The following PTPRG variants were observed in gnomAD, a reference collection of about 807,000 sequenced individuals.
PTPRG encodes receptor-type tyrosine-protein phosphatase gamma.
A neutral mutation model predicts 165.3 loss-of-function variants in PTPRG; 102 were observed. That is an observed-to-expected ratio of 0.62 (90% CI 0.53 to 0.73). The LOEUF is 0.73. Among genes scored for constraint, PTPRG ranks in the 30% least tolerant of loss-of-function variants. The probability of loss-of-function intolerance (pLI) is 0.00; values close to 1 mark genes in which losing one functional copy is unlikely to be tolerated. For missense variants in PTPRG, 1,866 were observed against 1,861.4 expected (o/e 1.00, Z -0.05); for synonymous variants, 675 against 669.5 (o/e 1.01, Z -0.13).
At chr3:62,160,864 A>ATT (rs5849464) in intron 7 of PTPRG, among the ~76,000 whole-genome samples, 16,006 of 103,696 alleles carry the variant, frequency 0.15, 2,238 homozygotes, top group East Asian at 0.36. Flanking sequence ...TAGATGTGTG[A>ATT]TTTTTTTTTT....
intron 6 of PTPRG, among the ~76,000 whole-genome samples, chr3:62,150,355 T>C (rs978084930): frequency 6.6e-6 from 1 of 152,170 alleles, no homozygotes; most frequent in Non-Finnish European, 1.5e-5. Context: ...AACCCTTTGA[T>C]ACAGTCCCTG....
chr3:61,976,359 G>C (rs2040506022), intron 2 of PTPRG, among the ~76,000 whole-genome samples: 1 of 152,176 alleles, frequency 6.6e-6, no homozygotes, highest in Non-Finnish European at 1.5e-5. Flanking sequence ...TCAGAAATTG[G>C]ATGACAGTCA....
intron 1 of PTPRG, chr3:61,743,095 A>T: frequency 6.5e-7 from 1 of 1,545,734 alleles, no homozygotes; most frequent in Non-Finnish European, 8.9e-7. Context: ...GTTGCGAGAG[A>T]CTGCTGCTCA....
chr3:62,155,741 T>C (rs546773419), intron 6 of PTPRG, among the ~76,000 whole-genome samples: 34 of 152,334 alleles, frequency 2.2e-4, no homozygotes, highest in African/African-American at 7.0e-4. Context: ...TTACACAGAC[T>C]TCTCGAGTCT....
At chr3:61,697,993 T>C (rs562041151) in intron 1 of PTPRG, among the ~76,000 whole-genome samples, 1 of 152,324 alleles carries the variant, frequency 6.6e-6, no homozygotes, top group South Asian at 2.1e-4. Flanking sequence ...TTAGACCATA[T>C]TCTTTTATCC....
intron 2 of PTPRG, among the ~76,000 whole-genome samples, chr3:61,822,178 G>C (rs1328691671): frequency 6.6e-6 from 1 of 152,166 alleles, no homozygotes. Context: ...CAACATTCTT[G>C]CCTATTCAAT....
At chr3:61,664,825 TG>T (rs1440275812) in intron 1 of PTPRG, among the ~76,000 whole-genome samples, 7 of 152,112 alleles carry the variant, frequency 4.6e-5, no homozygotes, top group African/African-American at 1.4e-4. Context: ...AGCCAGATCC[TG>T]TTTCAAAATA....
intron 3 of PTPRG, among the ~76,000 whole-genome samples, chr3:61,995,671 C>T (rs1007896440): frequency 1.8e-5 from 2 of 113,456 alleles, no homozygotes; most frequent in South Asian, 6.0e-4. Flanking sequence ...TTTCCGCCTG[C>T]CTGCCCGCCC....
intron 1 of PTPRG, among the ~76,000 whole-genome samples, chr3:61,638,197 A>G (rs946260162): frequency 1.3e-5 from 2 of 152,180 alleles, no homozygotes; most frequent in African/African-American, 4.8e-5. Context: ...TCAGATGCTG[A>G]TATAGAAATG....
intron 4 of PTPRG, among the ~76,000 whole-genome samples, chr3:62,031,946 C>T (rs1480871947): frequency 1.3e-5 from 2 of 152,050 alleles, no homozygotes; most frequent in Non-Finnish European, 2.9e-5. Context: ...TTGGAAATGT[C>T]TAAGAAACCA....
intron 17 of PTPRG, among the ~76,000 whole-genome samples, chr3:62,265,896 T>TACACACACACACACACACACACACAC (rs143246257): frequency 0.037 from 4,823 of 130,290 alleles, 174 homozygotes; most frequent in Non-Finnish European, 0.048. Context: ...GTGCCTTATA[T>TACACACACACACACACACACACACAC]ACACACACAC....
chr3:61,973,802 C>T (rs952935123), intron 2 of PTPRG, among the ~76,000 whole-genome samples: 4 of 151,708 alleles, frequency 2.6e-5, no homozygotes, highest in African/African-American at 7.3e-5. Context: ...CTCTGCACTC[C>T]AGCCTTGGTG....
At chr3:62,211,704 T>G (rs962131301) in intron 12 of PTPRG, among the ~76,000 whole-genome samples, 1 of 152,168 alleles carries the variant, frequency 6.6e-6, no homozygotes, top group South Asian at 2.1e-4. Flanking sequence ...CTACTCCTGA[T>G]AGAGGCCTCT....
intron 1 of PTPRG, among the ~76,000 whole-genome samples, chr3:61,729,125 G>T (rs1269468801): frequency 6.6e-6 from 1 of 152,074 alleles, no homozygotes; most frequent in African/African-American, 2.4e-5. Context: ...AGCTAAAGGG[G>T]CTTACAGAAT....
intron 2 of PTPRG, among the ~76,000 whole-genome samples, chr3:61,795,418 G>A (rs2035013563): frequency 6.6e-6 from 1 of 151,806 alleles, no homozygotes; most frequent in African/African-American, 2.4e-5. Flanking sequence ...TGAGGCGGGC[G>A]GATCATCTGA....
At chr3:61,891,899 T>G (rs2038224127) in intron 2 of PTPRG, among the ~76,000 whole-genome samples, 1 of 152,130 alleles carries the variant, frequency 6.6e-6, no homozygotes, top group African/African-American at 2.4e-5. Context: ...TCACTAAGTT[T>G]TCTTTTCTTT....
intron 2 of PTPRG, among the ~76,000 whole-genome samples, chr3:61,830,667 C>T (rs919980744): frequency 2.8e-5 from 4 of 144,364 alleles, no homozygotes; most frequent in African/African-American, 5.1e-5. Flanking sequence ...CTCCACCTCT[C>T]AGGTTCAAGT....
chr3:62,267,630 A>G (rs1701923775), intron 18 of PTPRG, 55 bp from the exon 19 acceptor site: 4 of 1,584,828 alleles, frequency 2.5e-6, no homozygotes, highest in Non-Finnish European at 3.4e-6. Flanking sequence ...TGAATTATTG[A>G]CTGGTCTTCT....
chr3:61,701,060 T>C (rs2030926426), intron 1 of PTPRG, among the ~76,000 whole-genome samples: 1 of 152,176 alleles, frequency 6.6e-6, no homozygotes, highest in Non-Finnish European at 1.5e-5. Context: ...GGAGCTTTAA[T>C]AGTTGCCCTC....
Sources: gnomAD v4.1 joint callset for allele counts (sites outside exome capture counted in the v4.1 genomes callset) on GRCh38, gnomAD v4.1.1 for gene constraint, MANE v1.5 for transcripts, NCBI Gene and HGNC (gene_info 2026-07-23, HGNC 2026-07-21) for gene names.